Variants in BAIAP3 observed in about 807,000 individuals in gnomAD.
BAIAP3 encodes the protein BAI1 associated protein 3.
BAIAP3 carries 180 observed loss-of-function variants against 149.7 expected under a neutral mutation model. The ratio of observed to expected loss-of-function variants is 1.20; its 90% CI spans 1.07 to 1.36. BAIAP3 has a LOEUF of 1.36. Ranked by LOEUF, BAIAP3 falls within the 40% of genes most tolerant of loss-of-function variation. The probability of loss-of-function intolerance (pLI) is 0.00; values close to 1 mark genes in which losing one functional copy is unlikely to be tolerated. For synonymous variants in BAIAP3, 845 were observed against 670.7 expected (o/e 1.26, Z -4.02); for missense variants, 1,767 against 1,563.4 (o/e 1.13, Z -2.20).
rs1288059077 is a variant in BAIAP3, at chr16:1,345,117, A to G, written c.1940+18A>G. The G allele has an allele frequency of 6.2e-7, 1 of 1,612,338 alleles. No individual in the cohort carries two copies. Among genetic ancestry groups the G allele is most frequent in the African/African-American group, 1.3e-5 (1 of 74,818 alleles). ...CCTGGCCGGTGGGTGCCCCGTCCCTATCTCTTGCAGACAGACTTTGGGACC... is the reference window on the plus strand; with the variant it reads ...CCTGGCCGGTGGGTGCCCCGTCCCTGTCTCTTGCAGACAGACTTTGGGACC... On this transcript the variant is annotated intron_variant, in intron 21 of 33. Transcript: ENST00000426824.
Position 1,348,026 on chromosome 16 carries a change from C to T in BAIAP3, c.3149+9C>T. The T allele has an allele frequency of 1.2e-6, 2 of 1,606,152 alleles. No individual in the cohort carries two copies. The highest frequency in any genetic ancestry group is 8.5e-7 in the Non-Finnish European group (1 of 1,179,364). On this transcript the variant is annotated intron_variant, in intron 32 of 33. Coordinates refer to ENST00000426824, the MANE Select transcript of BAIAP3 (RefSeq NM_001199097.2). ...GACGAACTCTTCTACTTGTGAGTGT[C>T]CTAAGCCCCAGCCCCAGCCCCAGGC...
At chr16:1,338,184 G>A (rs996917573) in intron 1 of BAIAP3, among the ~76,000 whole-genome samples, 29 of 152,098 alleles carry the variant, frequency 1.9e-4, no homozygotes, top group Admixed American at 9.2e-4. Flanking sequence ...CTGTGCTGTC[G>A]CGGGGAGGGG....
chr16:1,346,123 C>T (rs750737148), intron 24 of BAIAP3, 45 bp downstream of exon 24: 1 of 1,605,364 alleles, frequency 6.2e-7, no homozygotes, highest in Non-Finnish European at 8.5e-7. Flanking sequence ...GGTGGGGGGC[C>T]ATCACCAGGC....
chr16:1,340,539 C>T (rs1349286557), intron 5 of BAIAP3, among the ~76,000 whole-genome samples: 1 of 151,074 alleles, frequency 6.6e-6, no homozygotes, highest in Non-Finnish European at 1.5e-5. Flanking sequence ...CACGCACACA[C>T]ACACACAGGC....
Position 1,345,241 on chromosome 16 carries a change from C to G in BAIAP3, c.1941-8C>G, listed in dbSNP as rs2034234703. ...CAGGGCCGAGCCCTCACAACCCTCC[C>G]ACCACAGGGACAGCCGCTCTCTGGC... On this transcript the variant is annotated splice_polypyrimidine_tract_variant and splice_region_variant and intron_variant, in intron 21 of 33. Coordinates refer to ENST00000426824, the MANE Select transcript of BAIAP3 (RefSeq NM_001199097.2). 1.9e-6 allele frequency: 3 copies of G among 1,612,532 alleles called. No individual in the cohort carries two copies. The highest frequency in any genetic ancestry group is 2.5e-6 in the Non-Finnish European group (3 of 1,179,652).
Position 1,342,045 on chromosome 16 carries a change from G to C in BAIAP3, c.836G>C (p.Gly279Ala). The change falls in exon 10 of 34, where the codon GGC becomes GCC. Residue 279 changes from glycine to alanine, a missense_variant. Coordinates refer to ENST00000426824, the MANE Select transcript of BAIAP3 (RefSeq NM_001199097.2). The part of the protein sequence containing the change: ...EACRKLNEVI[G>A]LKGMGRYFKQ... ...TGCAGGAAGCTGAATGAAGTCATCG[G>C]CCTGAAGGGCATGGGCAGGTATGAC... 6.2e-7 allele frequency: 1 copy of C among 1,606,648 alleles called. No homozygotes were observed. Among genetic ancestry groups the C allele is most frequent in the Non-Finnish European group, 8.5e-7 (1 of 1,176,676 alleles).
intron 5 of BAIAP3, 43 bp downstream of exon 5, chr16:1,339,646 C>A: frequency 3.4e-6 from 5 of 1,480,556 alleles, no homozygotes; most frequent in Non-Finnish European, 4.7e-6. Context: ...ACAGCTTCCC[C>A]ACCTCAACCC....
chr16:1,338,600 G>A lies in BAIAP3; in HGVS notation c.51G>A (p.Val17=). ...GCAGCGTGCTCAGGCAGGTGCAGGT[G>A]TGCCCGTCCTTCCGCCGCAGGACTG... ...IKSSVLRQVQ[V]CPSFRRRTEQ... is the part of the protein sequence containing the mutation. Residue 17 remains valine (V), a synonymous_variant, in exon 2 of 34, where the codon GTG becomes GTA. Coordinates refer to ENST00000426824, the MANE Select transcript of BAIAP3 (RefSeq NM_001199097.2). 2 of 1,608,598 alleles carry A rather than the reference G, an allele frequency of 1.2e-6. No individual in the cohort carries two copies. Among genetic ancestry groups the A allele is most frequent in the African/African-American group, 1.3e-5 (1 of 74,962 alleles).
rs1191086937 is a variant in BAIAP3, at chr16:1,343,932, G to T, written c.1387-90G>T. On this transcript the variant is annotated intron_variant, in intron 15 of 33. Coordinates refer to ENST00000426824, the MANE Select transcript of BAIAP3 (RefSeq NM_001199097.2). Reference sequence around the variant, plus strand: ...CAGAGCTGGGCTGACCATGCCCGGGGAAGGGTGTTGCGGGCCAAGGCAGGG... The same window carrying T: ...CAGAGCTGGGCTGACCATGCCCGGGTAAGGGTGTTGCGGGCCAAGGCAGGG... The T allele has an allele frequency of 5.1e-6, 8 of 1,565,838 alleles. No homozygotes were observed. In the East Asian group the frequency reaches 1.8e-4, roughly 35 times the overall value.
rs758253129 is a variant in BAIAP3, at chr16:1,347,916, C to T, written c.3048C>T (p.Ile1016=). ...DANGLSDPFV[I]VELGPPHLFP... is the part of the protein sequence containing the mutation. ...CAGGCTTAAGTGACCCCTTTGTGAT[C>T]GTGGAGCTGGGCCCACCGCATCTCT... is the stretch of plus-strand genomic sequence containing the variant. The change falls in exon 32 of 34, where the codon ATC becomes ATT. Residue 1016 remains isoleucine (I), a synonymous_variant. Transcript: ENST00000426824. The T allele has an allele frequency of 1.4e-5, 23 of 1,611,866 alleles. No homozygotes were observed. The African/African-American group carries it at 1.7e-4, about 12-fold the overall frequency.
At position 1,348,020 on chromosome 16, in the gene BAIAP3, G is replaced by C. The variant is rs112608838; in HGVS notation, c.3149+3G>C. ...GTATACGACGAACTCTTCTACTTGT[G>C]AGTGTCCTAAGCCCCAGCCCCAGCC... is the stretch of plus-strand genomic sequence containing the variant. On this transcript the variant is annotated splice_donor_region_variant and intron_variant, in intron 32 of 33. Transcript: ENST00000426824. The C allele has an allele frequency of 6.2e-7, 1 of 1,607,344 alleles. No homozygotes were observed. The highest frequency in any genetic ancestry group is 1.3e-5 in the African/African-American group (1 of 74,882).
intron 1 of BAIAP3, chr16:1,336,121 G>T (rs1020705842): frequency 2.9e-5 from 22 of 756,322 alleles, no homozygotes; most frequent in Non-Finnish European, 3.5e-5. Context: ...CTCCAGGACT[G>T]CGAGCCCCCA....
rs1039697874 is a variant in BAIAP3 at position 1,341,715 on chromosome 16, G to A, written c.732-107G>A. 8 of 1,305,572 alleles carry A rather than the reference G, an allele frequency of 6.1e-6. No individual in the cohort carries two copies. The Admixed American group carries it at 1.1e-4, about 17-fold the overall frequency. 80.9% of individuals were successfully genotyped at this position (1,305,572 alleles called of 1,614,324 possible). A position where few individuals can be genotyped will look rare whatever the true frequency, so the allele number is the denominator to read the frequency against. On this transcript the variant is annotated intron_variant, in intron 8 of 33. Transcript: ENST00000426824. ...GATTTGGACCTGAACAGCCTGTCTG[G>A]AGAGCGGGTGCTTGTGGCCTGGTCC...
Position 1,347,349 on chromosome 16 carries a change from C to G in BAIAP3, c.2803C>G (p.Leu935Val), listed in dbSNP as rs1452491695. Residue 935 changes from leucine to valine, a missense_variant, in exon 29 of 34, where the codon CTG becomes GTG. Physicochemically the swap from Leu to Val is conservative, Grantham distance 32. Coordinates refer to ENST00000426824, the MANE Select transcript of BAIAP3 (RefSeq NM_001199097.2). ...AEGQGLPLESLRDGSYKRLKE... is the reference protein window; with the variant it reads ...AEGQGLPLESVRDGSYKRLKE... Reference sequence around the variant, plus strand: ...GGGTCAGGGTTTGCCCCTGGAGAGCCTGAGGGATGGAAGCTACAAGGTGAG... The same window carrying G: ...GGGTCAGGGTTTGCCCCTGGAGAGCGTGAGGGATGGAAGCTACAAGGTGAG... 1 of 1,613,410 alleles carries G rather than the reference C, an allele frequency of 6.2e-7. No homozygotes were observed. Among genetic ancestry groups the G allele is most frequent in the Non-Finnish European group, 8.5e-7 (1 of 1,179,978 alleles).
chr16:1,339,830 AGG>A (rs2033747858), intron 5 of BAIAP3, among the ~76,000 whole-genome samples: 1 of 139,874 alleles, frequency 7.1e-6, no homozygotes, highest in African/African-American at 2.8e-5. Flanking sequence ...CACAGGCTGC[AGG>A]TGCACACAGA....
In BAIAP3 at chr16:1,344,646, G is replaced by T. The variant is rs114038997; in HGVS notation, c.1705G>T (p.Val569Phe). The T allele has an allele frequency of 1.2e-6, 2 of 1,613,356 alleles. No individual in the cohort carries two copies. The highest frequency in any genetic ancestry group is 1.3e-5 in the African/African-American group (1 of 75,052). ...LPGLVVLADA[V>F]YDDLQFCYSV... ...TGGGCTGGTTGTGCTGGCTGACGCCGTCTATGATGACCTTCAGTTCTGCTA... is the reference window on the plus strand; with the variant it reads ...TGGGCTGGTTGTGCTGGCTGACGCCTTCTATGATGACCTTCAGTTCTGCTA... The change falls in exon 19 of 34, where the codon GTC becomes TTC. Residue 569 changes from valine to phenylalanine, a missense_variant. Physicochemically the swap from Val to Phe is conservative, Grantham distance 50. Coordinates refer to ENST00000426824, the MANE Select transcript of BAIAP3 (RefSeq NM_001199097.2).
At chr16:1,338,449 T>TTCC in intron 1 of BAIAP3, 91 bp from the exon 2 acceptor site, 1 of 285,974 alleles carries the variant, frequency 3.5e-6, no homozygotes, top group East Asian at 1.1e-4. Flanking sequence ...CCCCACCTCT[T>TTCC]CCCGCCCCAC....
At chr16:1,339,469 C>A (rs772097774) in intron 4 of BAIAP3, 27 bp from the exon 5 acceptor site, 9 of 1,591,916 alleles carry the variant, frequency 5.7e-6, no homozygotes, top group Non-Finnish European at 6.9e-6. Flanking sequence ...GGACGCGGCA[C>A]TGTGGCCGCC....
intron 1 of BAIAP3, among the ~76,000 whole-genome samples, chr16:1,337,440 C>A (rs1366209405): frequency 2.6e-5 from 4 of 152,218 alleles, no homozygotes; most frequent in African/African-American, 9.7e-5. Context: ...ATCGCTTGAA[C>A]CTGGAAGGCG....
Sources: gnomAD v4.1 joint callset for allele counts (sites outside exome capture counted in the v4.1 genomes callset) on GRCh38, gnomAD v4.1.1 for gene constraint, MANE v1.5 for transcripts, NCBI Gene and HGNC (gene_info 2026-07-23, HGNC 2026-07-21) for gene names.